KLRD1: variants seen among roughly 807,000 people sequenced by gnomAD.
KLRD1 encodes the protein killer cell lectin like receptor D1.
Under a neutral mutation model 22.6 loss-of-function variants are expected in KLRD1, and 21 were observed. The ratio of observed to expected loss-of-function variants is 0.93; its 90% confidence interval spans 0.66 to 1.34. The LOEUF is 1.34. Ranked by LOEUF, KLRD1 falls within the 40% of genes most tolerant of loss-of-function variation. The pLI is 0.00. For missense variants in KLRD1, 183 were observed against 208.6 expected, an observed-to-expected ratio of 0.88 and a Z score of 0.76; for synonymous variants, 59 against 71.1, an observed-to-expected ratio of 0.83 and a Z score of 0.85.
chr12:10,239,476 TCCTTCCTTCTTC>T (rs1351188865), intron 1 of KLRD1, among the ~76,000 whole-genome samples: 1 of 128,224 alleles, frequency 7.8e-6, no homozygotes, highest in African/African-American at 3.7e-5. Flanking sequence ...CTTCCTTCCT[TCCTTCCTTCTTC>T]CTTCCTTCCT....
chr12:10,273,038 A>G (rs994399657), intron 1 of KLRD1, among the ~76,000 whole-genome samples: 4 of 152,196 alleles, frequency 2.6e-5, no homozygotes, highest in African/African-American at 4.8e-5. Flanking sequence ...AGTTGAACAC[A>G]ACATACAACC....
In KLRD1 at chr12:10,283,450, T is replaced by G. The variant is rs80192975; in HGVS notation, c.-100-24528T>G. On this transcript the variant is annotated intron_variant, in intron 1 of 5. Transcript: ENST00000544747. ...GCTCTAGAGATCTGCTGTACAACAT[T>G]GTGCCTAGACTTAACAATATTGTAT... Among the ~76,000 whole-genome samples the G allele has an allele frequency of 3.3e-4, 51 of 152,296 alleles. No individual in the cohort carries two copies. The East Asian group carries it at 9.4e-3, about 28-fold the overall frequency.
intron 1 of KLRD1, among the ~76,000 whole-genome samples, chr12:10,260,987 G>A (rs1052450519): frequency 6.6e-6 from 1 of 150,728 alleles, no homozygotes; most frequent in Non-Finnish European, 1.5e-5. Context: ...ATTTTTTTGA[G>A]GTAATAGACC....
intron 1 of KLRD1, among the ~76,000 whole-genome samples, chr12:10,284,869 T>C (rs1477065277): frequency 6.6e-6 from 1 of 152,040 alleles, no homozygotes; most frequent in East Asian, 1.9e-4. Flanking sequence ...TAATCCCAGC[T>C]ACTCAGGAGG....
In KLRD1 at chr12:10,295,418, A is replaced by C. The variant is rs202106141; in HGVS notation, c.-100-12560A>C. 9.2e-5 allele frequency among the ~76,000 whole-genome samples: 14 copies of C among 152,170 alleles called. No individual in the cohort carries two copies. In the East Asian group the frequency reaches 2.7e-3, roughly 29 times the overall value. On this transcript the variant is annotated intron_variant, in intron 1 of 5. Coordinates refer to the KLRD1 transcript ENST00000544747. ...TGAAGAAAAAATTTTCTAGAAAGCC[A>C]TTTTTCCTGTGAATCTCAGAATTCC...
chr12:10,250,156 CTCTCT>C (rs1949331613), intron 1 of KLRD1, among the ~76,000 whole-genome samples: 1 of 150,656 alleles, frequency 6.6e-6, no homozygotes, highest in Non-Finnish European at 1.5e-5. Context: ...CAACCACTCT[CTCTCT>C]TAAGTCCTTA....
chr12:10,305,778 C>T (rs541355808), upstream of KLRD1, among the ~76,000 whole-genome samples: 1 of 152,026 alleles, frequency 6.6e-6, no homozygotes, highest in Non-Finnish European at 1.5e-5. Context: ...GGGACATAGG[C>T]GAGGCAATGA....
rs1950351426 is a variant in KLRD1, at chr12:10,325,404, A to G, written c.*10611A>G. The G allele has an allele frequency of 6.6e-6, 1 of 152,144 alleles. No homozygotes were observed. Among genetic ancestry groups the G allele is most frequent in the African/African-American group, 2.4e-5 (1 of 41,440 alleles). The allele number at this position is 152,144 out of a possible 1,614,324, so 9.4% of individuals were successfully genotyped here. A position where few individuals can be genotyped will look rare whatever the true frequency, so the allele number is the denominator to read the frequency against. On this transcript the variant is annotated 3_prime_UTR_variant, in exon 6 of 6. Transcript: ENST00000336164. ...CAACATAAGATCTATCCTCTTAACAAATTTTCAAGTCTACAGTACAGTATT... is the reference window on the plus strand; with the variant it reads ...CAACATAAGATCTATCCTCTTAACAGATTTTCAAGTCTACAGTACAGTATT...
intron 1 of KLRD1, among the ~76,000 whole-genome samples, chr12:10,251,347 A>G (rs1198395666): frequency 6.6e-6 from 1 of 151,514 alleles, no homozygotes; most frequent in East Asian, 1.9e-4. Flanking sequence ...CTGGTCTCAA[A>G]CTCCTGACCT....
chr12:10,243,471 A>G (rs992340165), intron 1 of KLRD1, among the ~76,000 whole-genome samples: 9 of 151,704 alleles, frequency 5.9e-5, no homozygotes, highest in African/African-American at 2.2e-4. Context: ...AAAATTAGCC[A>G]GGTGTGGTGG....
At chr12:10,268,530 GA>G (rs1217860609) in intron 1 of KLRD1, among the ~76,000 whole-genome samples, 1 of 152,128 alleles carries the variant, frequency 6.6e-6, no homozygotes, top group East Asian at 1.9e-4. Context: ...TTTACTTATT[GA>G]ACTGTTCTTT....
At chr12:10,254,388 C>T (rs1386309972) in intron 1 of KLRD1, among the ~76,000 whole-genome samples, 1 of 143,734 alleles carries the variant, frequency 7.0e-6, no homozygotes, top group African/African-American at 2.6e-5. Flanking sequence ...GCCGAGATCG[C>T]GCCACTGCAC....
intron 1 of KLRD1, among the ~76,000 whole-genome samples, chr12:10,252,828 G>A (rs1309546499): frequency 6.6e-6 from 1 of 152,060 alleles, no homozygotes; most frequent in Non-Finnish European, 1.5e-5. Context: ...TCGCAGCTGT[G>A]TGTACACAAA....
upstream of KLRD1, among the ~76,000 whole-genome samples, chr12:10,307,005 T>C (rs1949940967): frequency 6.6e-6 from 1 of 152,190 alleles, no homozygotes; most frequent in Non-Finnish European, 1.5e-5. Context: ...TGGGGGTGCA[T>C]GGTAGATTGT....
chr12:10,258,856 A>G (rs774408789), intron 1 of KLRD1, among the ~76,000 whole-genome samples: 3 of 152,200 alleles, frequency 2.0e-5, no homozygotes, highest in African/African-American at 4.8e-5. Context: ...TTGAAAAAAT[A>G]TATATTTATG....
At chr12:10,289,650 G>T (rs1299963112) in intron 1 of KLRD1, among the ~76,000 whole-genome samples, 1 of 152,104 alleles carries the variant, frequency 6.6e-6, no homozygotes. Context: ...TAGTTGCTTT[G>T]GTTTGGTTTG....
chr12:10,258,536 G>T (rs2045881), intron 1 of KLRD1, among the ~76,000 whole-genome samples: 121,918 of 152,138 alleles, frequency 0.8, 53,434 homozygotes, highest in Non-Finnish European at 0.98. Flanking sequence ...TATATCTGTG[G>T]ACTACAAAGT....
At chr12:10,312,919 A>T (rs188111592) in intron 4 of KLRD1, among the ~76,000 whole-genome samples, 1 of 151,548 alleles carries the variant, frequency 6.6e-6, no homozygotes, top group African/African-American at 2.4e-5. Flanking sequence ...CCTGGGAGGC[A>T]GAGCTTGCAG....
chr12:10,289,159 C>G (rs540641811), intron 1 of KLRD1, among the ~76,000 whole-genome samples: 1 of 152,210 alleles, frequency 6.6e-6, no homozygotes, highest in African/African-American at 2.4e-5. Context: ...AGGAAGTGAC[C>G]AATATGTTGA....
Sources: gnomAD v4.1 joint callset for allele counts (sites outside exome capture counted in the v4.1 genomes callset) on GRCh38, gnomAD v4.1.1 for gene constraint, MANE v1.5 for transcripts, NCBI Gene and HGNC (gene_info 2026-07-23, HGNC 2026-07-21) for gene names.